The following CCDC186 variants were observed in gnomAD, a reference collection of about 807,000 sequenced individuals.
CCDC186 encodes coiled-coil domain containing 186.
Under a neutral mutation model 113.7 loss-of-function variants are expected in CCDC186, and 49 were observed. That is an observed-to-expected ratio of 0.43 (90% CI 0.34 to 0.55). The LOEUF (loss-of-function observed/expected upper bound fraction) is 0.55, where lower values mean the gene tolerates loss of function less well. Ranked by LOEUF, CCDC186 falls within the 20% of genes least tolerant of loss-of-function variation. The probability of loss-of-function intolerance (pLI) is 0.02; values close to 1 mark genes in which losing one functional copy is unlikely to be tolerated. For missense variants in CCDC186, 890 were observed against 1,011.1 expected (o/e 0.88, Z 1.62); for synonymous variants, 355 against 345.8 (o/e 1.03, Z -0.30).
intron 1 of CCDC186, chr10:114,173,218 T>C (rs1224285653): frequency 4.4e-6 from 2 of 455,824 alleles, no homozygotes; most frequent in African/African-American, 2.0e-5. Context: ...GTGAAAGAAG[T>C]AGGATTCTAA....
chr10:114,136,151 T>A lies in CCDC186; in HGVS notation c.1422A>T (p.Leu474=). 1 of 1,611,178 alleles carries A rather than the reference T, an allele frequency of 6.2e-7. No individual in the cohort carries two copies. The part of the protein sequence containing the change: ...EKQMQEKSDQ[L]EMHHAKIKEL... The stretch of plus-strand genomic sequence containing the variant: ...TATAAAGAGCAAAACTACTCACCTC[T>A]AGCTGGTCAGATTTTTCTTGCATTT... The change falls in exon 8 of 16, where the codon CTA becomes CTT. Residue 474 remains leucine (L), a synonymous_variant. Transcript: ENST00000369287.
chr10:114,138,065 AAAAAAAAATAAAAAAAAT>A (rs1564908438), intron 6 of CCDC186, among the ~76,000 whole-genome samples: 30 of 68,000 alleles, frequency 4.4e-4, no homozygotes, highest in African/African-American at 2.2e-3. Context: ...AAAAAAAAAA[AAAAAAAAATAAAAAAAAT>A]ACACAAATTA....
intron 3 of CCDC186, among the ~76,000 whole-genome samples, chr10:114,153,149 C>T (rs1457210819): frequency 6.6e-6 from 1 of 152,160 alleles, no homozygotes; most frequent in African/African-American, 2.4e-5. Flanking sequence ...CACCCAGGAA[C>T]AGCAGTGTAT....
chr10:114,164,413 G>A (rs914406020), intron 1 of CCDC186, among the ~76,000 whole-genome samples: 2 of 151,890 alleles, frequency 1.3e-5, no homozygotes, highest in South Asian at 2.1e-4. Flanking sequence ...GTGAGCCACC[G>A]CACCCGGCAT....
intron 1 of CCDC186, among the ~76,000 whole-genome samples, chr10:114,171,400 A>C (rs1207185217): frequency 1.3e-5 from 2 of 151,948 alleles, no homozygotes; most frequent in Non-Finnish European, 2.9e-5. Context: ...ATTTTTAATT[A>C]AAAAGATTAG....
At chr10:114,143,664 T>C (rs961181151) in intron 6 of CCDC186, among the ~76,000 whole-genome samples, 1 of 152,204 alleles carries the variant, frequency 6.6e-6, no homozygotes. Flanking sequence ...TCTCTGATAA[T>C]GCTATATCAG....
intron 13 of CCDC186, among the ~76,000 whole-genome samples, chr10:114,129,229 A>G (rs1015497943): frequency 3.9e-5 from 6 of 152,030 alleles, no homozygotes; most frequent in Non-Finnish European, 8.8e-5. Flanking sequence ...TGAGAGGCTG[A>G]GGTGGGAAGA....
rs772641510 is a variant in CCDC186, at chr10:114,162,779, C to T, written c.490G>A (p.Glu164Lys). Residue 164 changes from glutamate to lysine, a missense_variant, in exon 2 of 16, where the codon GAA (glutamate) becomes AAA (lysine). Glu to Lys is a moderately conservative substitution (Grantham distance 56). Coordinates refer to ENST00000369287, the MANE Select transcript of CCDC186 (RefSeq NM_018017.4). Reference protein sequence around the residue: ...KSVSASEDLLEEIESELLSTE... With the variant: ...KSVSASEDLLKEIESELLSTE... Reference sequence around the variant, plus strand: ...GATAAGAGCTCAGATTCTATTTCTTCCAACAAATCCTCTGATGCTGAAACG... The same window carrying T: ...GATAAGAGCTCAGATTCTATTTCTTTCAACAAATCCTCTGATGCTGAAACG... 2 of 1,613,890 alleles carry T rather than the reference C, an allele frequency of 1.2e-6. No homozygotes were observed. The highest frequency in any genetic ancestry group is 2.2e-5 in the South Asian group (2 of 91,054).
chr10:114,157,639 T>C lies in CCDC186; in HGVS notation c.674A>G (p.Asp225Gly). 1 of 1,607,524 alleles carries C rather than the reference T, an allele frequency of 6.2e-7. No individual in the cohort carries two copies. Among genetic ancestry groups the C allele is most frequent in the South Asian group, 1.1e-5 (1 of 90,120 alleles). ...ENKKHQELFV[D>G]ICSEKDNLRE... is the part of the protein sequence containing the mutation. The stretch of plus-strand genomic sequence containing the variant: ...TAAATTGTCTTTTTCTGAACAAATG[T>C]CTACGAAGAGCTCCTGATGCTTCTT... Residue 225 changes from aspartate to glycine, a missense_variant, in exon 3 of 16, where the codon GAC becomes GGC. Coordinates refer to ENST00000369287, the MANE Select transcript of CCDC186 (RefSeq NM_018017.4).
intron 1 of CCDC186, among the ~76,000 whole-genome samples, chr10:114,172,899 C>G (rs977723340): frequency 6.6e-6 from 1 of 152,142 alleles, no homozygotes; most frequent in Admixed American, 6.5e-5. Context: ...TGAATCCTTC[C>G]CACGAGATGA....
At chr10:114,170,492 T>A (rs11196647) in intron 1 of CCDC186, among the ~76,000 whole-genome samples, 20,688 of 152,068 alleles carry the variant, frequency 0.14, 1,787 homozygotes, top group South Asian at 0.2. Flanking sequence ...AGCTAATTTT[T>A]AAAAATGTTT....
In CCDC186 at chr10:114,163,275, T is replaced by C. The variant is rs906588296; in HGVS notation, c.-7A>G. The C allele has an allele frequency of 1.3e-6, 2 of 1,599,790 alleles. No homozygotes were observed. The highest frequency in any genetic ancestry group is 1.7e-6 in the Non-Finnish European group (2 of 1,177,388). ...TGTGGTCTGTCTCTGACATGCTGAC[T>C]GGCACCAATTCACTTTGTAATTCTT... On this transcript the variant is annotated 5_prime_UTR_variant, in exon 2 of 16. Coordinates refer to ENST00000369287, the MANE Select transcript of CCDC186 (RefSeq NM_018017.4).
At chr10:114,144,175 A>T (rs1019521662) in intron 6 of CCDC186, among the ~76,000 whole-genome samples, 25 of 152,216 alleles carry the variant, frequency 1.6e-4, no homozygotes, top group African/African-American at 6.0e-4. Flanking sequence ...GTGTTATTTA[A>T]ATTTTGCATA....
At chr10:114,134,763 A>C in intron 10 of CCDC186, 150 bp downstream of exon 10, 2 of 823,676 alleles carry the variant, frequency 2.4e-6, no homozygotes, top group African/African-American at 1.8e-5. Flanking sequence ...AGATAATCCA[A>C]AGAAGTTCAG....
intron 3 of CCDC186, among the ~76,000 whole-genome samples, chr10:114,153,410 A>C (rs573204365): frequency 6.6e-6 from 1 of 152,314 alleles, no homozygotes; most frequent in South Asian, 2.1e-4. Context: ...TAAAAATGCA[A>C]ACATAATATA....
intron 13 of CCDC186, among the ~76,000 whole-genome samples, 194 bp from the exon 14 acceptor site, chr10:114,127,865 T>C (rs1589606880): frequency 6.6e-6 from 1 of 152,200 alleles, no homozygotes; most frequent in South Asian, 2.1e-4. Context: ...GGGTCTATAC[T>C]GTATCTCTCA....
Position 114,145,565 on chromosome 10 carries a change from T to A in CCDC186, c.1085A>T (p.Gln362Leu). The A allele has an allele frequency of 6.2e-7, 1 of 1,608,266 alleles. No homozygotes were observed. The highest frequency in any genetic ancestry group is 1.1e-5 in the South Asian group (1 of 89,726). The change falls in exon 5 of 16, where the codon CAG becomes CTG. Residue 362 changes from glutamine (Q) to leucine (L), a missense_variant. Physicochemically the swap from Gln to Leu is moderately radical, Grantham distance 113. Coordinates refer to ENST00000369287, the MANE Select transcript of CCDC186 (RefSeq NM_018017.4). ...QLSQEKGRLHQLYETKEGETT... is the reference protein window; with the variant it reads ...QLSQEKGRLHLLYETKEGETT... ...AAGTTATACCTTAGTTTCATACAGC[T>A]GGTGCAACCGTCCTTTCTCCTGAGA...
At chr10:114,139,958 AGTG>A (rs1411421916) in intron 6 of CCDC186, among the ~76,000 whole-genome samples, 2 of 152,378 alleles carry the variant, frequency 1.3e-5, no homozygotes, top group African/African-American at 4.8e-5. Flanking sequence ...GTAAGGGAAA[AGTG>A]AGAATCACAT....
intron 1 of CCDC186, among the ~76,000 whole-genome samples, chr10:114,172,004 G>A (rs2032507194): frequency 1.3e-5 from 2 of 152,212 alleles, no homozygotes; most frequent in Middle Eastern, 3.4e-3. Flanking sequence ...TGATCTCACT[G>A]CTGCCCCTAA....
Sources: gnomAD v4.1 joint callset for allele counts (sites outside exome capture counted in the v4.1 genomes callset) on GRCh38, gnomAD v4.1.1 for gene constraint, MANE v1.5 for transcripts, NCBI Gene and HGNC (gene_info 2026-07-23, HGNC 2026-07-21) for gene names.